VPS37A: variants seen among roughly 807,000 people sequenced by gnomAD.
VPS37A encodes the protein VPS37A subunit of ESCRT-I.
Under a neutral mutation model 49.8 loss-of-function variants are expected in VPS37A, and 30 were observed. The observed-to-expected ratio is 0.60, with a 90% confidence interval of 0.45 to 0.82. The LOEUF (loss-of-function observed/expected upper bound fraction) is 0.82. Among genes scored for constraint, VPS37A ranks in the 40% least tolerant of loss-of-function variants. The probability of loss-of-function intolerance (pLI) is 0.00; values close to 1 mark genes in which losing one functional copy is unlikely to be tolerated. For synonymous variants in VPS37A, 195 were observed against 160.6 expected (o/e 1.21, Z -1.62); for missense variants, 593 against 464.4 (o/e 1.28, Z -2.55).
chr8:17,263,840 C>T (rs1813187750), intron 1 of VPS37A, among the ~76,000 whole-genome samples: 1 of 152,102 alleles, frequency 6.6e-6, no homozygotes, highest in African/African-American at 2.4e-5. Context: ...ACTCATGAGG[C>T]TGAGGCAAGA....
the VPS37A span, among the ~76,000 whole-genome samples, chr8:17,319,009 C>T: frequency 6.6e-6 from 1 of 152,248 alleles, no homozygotes; most frequent in Non-Finnish European, 1.5e-5. Context: ...GCAGGGATTT[C>T]ACATTAGCTT....
At chr8:17,300,625 C>A (rs895224801), downstream of VPS37A, among the ~76,000 whole-genome samples, 2 of 152,180 alleles carry the variant, frequency 1.3e-5, no homozygotes, top group African/African-American at 4.8e-5. Flanking sequence ...AATTCACTTA[C>A]CGTGAAACTC....
At chr8:17,279,908 T>C in intron 6 of VPS37A, 120 bp from the exon 7 acceptor site, 1 of 1,248,760 alleles carries the variant, frequency 8.0e-7, no homozygotes. Context: ...GCCTTAGGTG[T>C]ATATGTAAAA....
chr8:17,255,525 T>G (rs576139176), intron 1 of VPS37A, among the ~76,000 whole-genome samples: 1 of 152,248 alleles, frequency 6.6e-6, no homozygotes, highest in South Asian at 2.1e-4. Context: ...TATATATGTG[T>G]GTATATATAT....
chr8:17,247,671 C>T (rs986043626), intron 1 of VPS37A: 1 of 703,512 alleles, frequency 1.4e-6, no homozygotes, highest in Non-Finnish European at 2.6e-6. Context: ...TCCAGTATCC[C>T]TTGCTGCCCA....
At chr8:17,288,352 C>G (rs1815814102) in intron 11 of VPS37A, among the ~76,000 whole-genome samples, 1 of 152,152 alleles carries the variant, frequency 6.6e-6, no homozygotes, top group African/African-American at 2.4e-5. Context: ...GGTGTTTCTT[C>G]TAATGCTATT....
chr8:17,268,912 G>C lies in VPS37A; in HGVS notation c.372G>C (p.Trp124Cys). The change falls in exon 4 of 12, where the codon TGG becomes TGC. Residue 124 changes from tryptophan to cysteine, a missense_variant. By Grantham distance (215) the Trp-to-Cys change is radical. Coordinates refer to ENST00000324849, the MANE Select transcript of VPS37A (RefSeq NM_152415.3). ...KIIQSLLDEF[W>C]KNPPVLAPTS... Reference sequence around the variant, plus strand: ...TTCAGAGTCTGTTGGATGAGTTTTGGAAGAATCCTCCAGTTTTAGCTCCTA... The same window carrying C: ...TTCAGAGTCTGTTGGATGAGTTTTGCAAGAATCCTCCAGTTTTAGCTCCTA... The C allele has an allele frequency of 6.2e-7, 1 of 1,610,662 alleles. No individual in the cohort carries two copies. Among genetic ancestry groups the C allele is most frequent in the Non-Finnish European group, 8.5e-7 (1 of 1,179,288 alleles).
the VPS37A span, among the ~76,000 whole-genome samples, chr8:17,324,313 C>T: frequency 6.6e-6 from 1 of 152,218 alleles, no homozygotes; most frequent in East Asian, 1.9e-4. Flanking sequence ...TAAGTACTTA[C>T]TACAAGCAGG....
At chr8:17,304,439 T>G, downstream of VPS37A, 1 of 1,614,102 alleles carries the variant, frequency 6.2e-7, no homozygotes, top group Middle Eastern at 1.7e-4. Flanking sequence ...CTGGCTGTGA[T>G]CAGCTCTAAA....
chr8:17,285,855 G>A (rs1815538581), intron 10 of VPS37A, among the ~76,000 whole-genome samples: 1 of 152,170 alleles, frequency 6.6e-6, no homozygotes, highest in East Asian at 1.9e-4. Context: ...AAGGATCAGT[G>A]TTTTTTACAT....
At chr8:17,251,740 C>G (rs1812001297) in intron 1 of VPS37A, among the ~76,000 whole-genome samples, 1 of 152,160 alleles carries the variant, frequency 6.6e-6, no homozygotes, top group African/African-American at 2.4e-5. Flanking sequence ...TTGTTCTTGT[C>G]CCTATCTTTA....
chr8:17,302,712 C>A (rs921574502), downstream of VPS37A, among the ~76,000 whole-genome samples: 1 of 72,330 alleles, frequency 1.4e-5, no homozygotes, highest in African/African-American at 3.8e-5. Context: ...AACCCCCCCC[C>A]CCCCGCTTTT....
chr8:17,310,332 T>C, the VPS37A span, among the ~76,000 whole-genome samples: 6 of 152,270 alleles, frequency 3.9e-5, no homozygotes, highest in South Asian at 6.2e-4. Flanking sequence ...TCAAGTAATA[T>C]GGATAGTCTC....
chr8:17,315,033 G>C, the VPS37A span, among the ~76,000 whole-genome samples: 4 of 127,318 alleles, frequency 3.1e-5, no homozygotes, highest in Admixed American at 3.1e-4. Flanking sequence ...TTAGCCCTGT[G>C]GCCCTTGGGT....
the VPS37A span, among the ~76,000 whole-genome samples, chr8:17,328,895 T>C: frequency 6.6e-6 from 1 of 152,116 alleles, no homozygotes. Flanking sequence ...CAAAAATAGT[T>C]TGGTTGAGAC....
chr8:17,324,402 A>C, the VPS37A span, among the ~76,000 whole-genome samples: 2 of 152,218 alleles, frequency 1.3e-5, no homozygotes, highest in Admixed American at 6.5e-5. Flanking sequence ...CAGTGGCTTC[A>C]AGAGGTTTCC....
the VPS37A span, among the ~76,000 whole-genome samples, chr8:17,328,556 G>A: frequency 6.6e-6 from 1 of 151,992 alleles, no homozygotes; most frequent in Admixed American, 6.6e-5. Context: ...ACACACATTG[G>A]GGCCTGTTGG....
chr8:17,280,682 A>G (rs979483462), intron 9 of VPS37A, among the ~76,000 whole-genome samples: 7 of 152,012 alleles, frequency 4.6e-5, no homozygotes, highest in Non-Finnish European at 8.8e-5. Flanking sequence ...CCTGACACAT[A>G]ACTTTTCTGG....
intron 1 of VPS37A, chr8:17,248,385 TC>T (rs1811617474): frequency 2.2e-6 from 1 of 454,158 alleles, no homozygotes; most frequent in Non-Finnish European, 4.4e-6. Flanking sequence ...CTCCCTCAGC[TC>T]CCCACACCCC....
Sources: allele counts gnomAD v4.1 joint callset (sites outside exome capture counted in the v4.1 genomes callset), GRCh38; gene constraint gnomAD v4.1.1; transcripts MANE v1.5; gene names NCBI Gene and HGNC (gene_info 2026-07-23, HGNC 2026-07-21).